Variants in GRIA4 observed in about 807,000 individuals in gnomAD.
GRIA4 encodes glutamate receptor 4.
GRIA4 carries 34 observed loss-of-function variants against 104.0 expected under a neutral mutation model. That is an observed-to-expected ratio of 0.33 (90% confidence interval 0.25 to 0.44). The LOEUF is 0.44. Among genes scored for constraint, GRIA4 ranks in the 20% least tolerant of loss-of-function variants. The pLI is 1.00. For synonymous variants in GRIA4, 386 were observed against 381.9 expected (o/e 1.01, Z -0.13); for missense variants, 750 against 1,096.5 (o/e 0.68, Z 4.46).
At chr11:105,798,760 G>A (rs7124769) in intron 4 of GRIA4, among the ~76,000 whole-genome samples, 13,452 of 152,022 alleles carry the variant, frequency 0.088, 1,438 homozygotes, top group African/African-American at 0.25. Flanking sequence ...GCCAAAAACC[G>A]TGCTAAGCTT....
intron 3 of GRIA4, among the ~76,000 whole-genome samples, chr11:105,621,540 A>G (rs1950745319): frequency 6.6e-6 from 1 of 151,678 alleles, no homozygotes. Context: ...TTCTTTTGGT[A>G]TTTAAGAACT....
chr11:105,692,325 T>C (rs965298396), intron 3 of GRIA4, among the ~76,000 whole-genome samples: 2 of 152,164 alleles, frequency 1.3e-5, no homozygotes, highest in Admixed American at 6.5e-5. Context: ...AACATTATTA[T>C]TTAGCGTGCT....
At chr11:105,847,614 G>A (rs1045862636) in intron 4 of GRIA4, among the ~76,000 whole-genome samples, 1 of 152,150 alleles carries the variant, frequency 6.6e-6, no homozygotes, top group African/African-American at 2.4e-5. Flanking sequence ...GAAGTGGCAG[G>A]ATAAGACATT....
At chr11:105,810,148 G>A (rs1042436962) in intron 4 of GRIA4, among the ~76,000 whole-genome samples, 1 of 152,234 alleles carries the variant, frequency 6.6e-6, no homozygotes, top group Non-Finnish European at 1.5e-5. Context: ...CATCTGTCCA[G>A]CATGGAGTTC....
At chr11:105,840,001 T>A (rs1342770004) in intron 4 of GRIA4, among the ~76,000 whole-genome samples, 1 of 152,206 alleles carries the variant, frequency 6.6e-6, no homozygotes, top group Non-Finnish European at 1.5e-5. Context: ...AATGCTGAAC[T>A]GGCTAAGTCT....
intron 5 of GRIA4, among the ~76,000 whole-genome samples, chr11:105,867,871 C>CAGT (rs1945483752): frequency 6.6e-6 from 1 of 152,118 alleles, no homozygotes. Flanking sequence ...TACACTCTGA[C>CAGT]AGTAGGAATG....
intron 3 of GRIA4, among the ~76,000 whole-genome samples, chr11:105,621,015 C>T (rs924214984): frequency 6.6e-6 from 1 of 151,376 alleles, no homozygotes; most frequent in Non-Finnish European, 1.5e-5. Context: ...CAGGTGCCTC[C>T]GACTTAAGAA....
At chr11:105,626,976 G>A (rs1478738054) in intron 3 of GRIA4, among the ~76,000 whole-genome samples, 1 of 152,116 alleles carries the variant, frequency 6.6e-6, no homozygotes, top group Non-Finnish European at 1.5e-5. Context: ...CTAATGTCCA[G>A]GTAAAGATAG....
intron 5 of GRIA4, among the ~76,000 whole-genome samples, chr11:105,881,512 A>T (rs776753928): frequency 6.6e-6 from 1 of 152,142 alleles, no homozygotes; most frequent in Non-Finnish European, 1.5e-5. Flanking sequence ...CCTTATCCCA[A>T]CATCTTTCAC....
chr11:105,732,556 G>A (rs1253688950), intron 3 of GRIA4, among the ~76,000 whole-genome samples: 3 of 152,088 alleles, frequency 2.0e-5, no homozygotes, highest in Non-Finnish European at 4.4e-5. Flanking sequence ...AACAATAATA[G>A]AGGACCAAAC....
intron 10 of GRIA4, chr11:105,912,791 C>A (rs574492472): frequency 1.0e-6 from 1 of 982,704 alleles, no homozygotes; most frequent in Non-Finnish European, 1.2e-6. Context: ...AGTCCAGGAC[C>A]TATGATATCC....
intron 3 of GRIA4, among the ~76,000 whole-genome samples, chr11:105,694,927 C>T (rs1953215837): frequency 6.6e-6 from 1 of 152,160 alleles, no homozygotes; most frequent in African/African-American, 2.4e-5. Context: ...GTCATAACAG[C>T]TACCATTGAC....
intron 4 of GRIA4, among the ~76,000 whole-genome samples, chr11:105,802,276 T>G (rs1942753869): frequency 6.6e-6 from 1 of 152,160 alleles, no homozygotes; most frequent in Admixed American, 6.6e-5. Flanking sequence ...CGCCTGACAG[T>G]GCTGGACCAG....
chr11:105,754,935 G>A (rs1940213767), intron 4 of GRIA4, among the ~76,000 whole-genome samples: 1 of 152,086 alleles, frequency 6.6e-6, no homozygotes, highest in Non-Finnish European at 1.5e-5. Flanking sequence ...GATATATTTG[G>A]CAAAGCATAG....
intron 4 of GRIA4, among the ~76,000 whole-genome samples, chr11:105,759,557 G>GTGTTAGAAGCAGTTTC (rs1565523842): frequency 1.3e-5 from 2 of 151,898 alleles, no homozygotes; most frequent in African/African-American, 4.8e-5. Context: ...TTTAAAAGAT[G>GTGTTAGAAGCAGTTTC]CTCCACAATC....
intron 1 of GRIA4, 94 bp downstream of exon 1, chr11:105,610,522 T>G (rs891981972): frequency 1.9e-5 from 3 of 157,598 alleles, no homozygotes; most frequent in African/African-American, 7.2e-5. Flanking sequence ...AGGGCAGCGA[T>G]GCTCCGGGCT....
intron 3 of GRIA4, among the ~76,000 whole-genome samples, chr11:105,736,042 A>C (rs1043837329): frequency 1.3e-4 from 20 of 152,212 alleles, no homozygotes; most frequent in African/African-American, 4.8e-4. Flanking sequence ...AAAATAAATA[A>C]ATGTTTTAAT....
At chr11:105,664,962 T>G (rs1252902426) in intron 3 of GRIA4, among the ~76,000 whole-genome samples, 1 of 152,030 alleles carries the variant, frequency 6.6e-6, no homozygotes, top group African/African-American at 2.4e-5. Flanking sequence ...TTTCAATTAA[T>G]TTATTCAAAT....
At chr11:105,645,947 A>G (rs1272682275) in intron 3 of GRIA4, among the ~76,000 whole-genome samples, 1 of 152,224 alleles carries the variant, frequency 6.6e-6, no homozygotes, top group African/African-American at 2.4e-5. Context: ...TGGGGTAAAG[A>G]AAGATTTCCT....
Sources: gnomAD v4.1 joint callset for allele counts (sites outside exome capture counted in the v4.1 genomes callset) on GRCh38, gnomAD v4.1.1 for gene constraint, MANE v1.5 for transcripts, NCBI Gene and HGNC (gene_info 2026-07-23, HGNC 2026-07-21) for gene names.